The following POU6F2 variants were observed in gnomAD, a reference collection of about 807,000 sequenced individuals.
POU6F2 encodes the protein POU class 6 homeobox 2.
POU6F2 carries 31 observed loss-of-function variants against 71.3 expected under a neutral mutation model. The observed-to-expected ratio is 0.43, with a 90% CI of 0.33 to 0.59. The LOEUF is 0.59. Ranked by LOEUF, POU6F2 falls within the 20% of genes least tolerant of loss-of-function variation. The pLI is 0.04. For synonymous variants in POU6F2, 347 were observed against 355.7 expected (o/e 0.98, Z 0.27); for missense variants, 783 against 856.8 (o/e 0.91, Z 1.07).
intron 4 of POU6F2, among the ~76,000 whole-genome samples, chr7:39,297,738 T>G (rs1784878052): frequency 6.7e-6 from 1 of 148,376 alleles, no homozygotes; most frequent in Non-Finnish European, 1.5e-5. Flanking sequence ...GGTATCACAC[T>G]ACCTGACTTC....
intron 1 of POU6F2, among the ~76,000 whole-genome samples, chr7:39,026,035 C>T (rs1361989407): frequency 3.9e-5 from 6 of 152,124 alleles, no homozygotes; most frequent in Non-Finnish European, 7.3e-5. Context: ...AAATGCAAAT[C>T]GAAACCACAA....
At chr7:39,380,859 C>T (rs1348967051) in intron 5 of POU6F2, among the ~76,000 whole-genome samples, 2 of 152,082 alleles carry the variant, frequency 1.3e-5, no homozygotes, top group African/African-American at 4.8e-5. Context: ...GTCGTGTGCA[C>T]CAGAAATTCT....
At chr7:39,194,619 T>C (rs568561369) in intron 2 of POU6F2, among the ~76,000 whole-genome samples, 1 of 152,232 alleles carries the variant, frequency 6.6e-6, no homozygotes, top group Admixed American at 6.5e-5. Flanking sequence ...GGATGTGGGC[T>C]GGGCCAAAGA....
chr7:39,132,933 C>T (rs554712742), intron 2 of POU6F2, among the ~76,000 whole-genome samples: 2 of 152,022 alleles, frequency 1.3e-5, no homozygotes, highest in African/African-American at 2.4e-5. Context: ...GATATGATGT[C>T]GAACTAACAT....
chr7:38,990,357 G>A (rs1048032122), intron 1 of POU6F2, among the ~76,000 whole-genome samples: 9 of 152,018 alleles, frequency 5.9e-5, no homozygotes, highest in African/African-American at 1.7e-4. Context: ...TAAACATTGT[G>A]GCCCTGGAGA....
intron 4 of POU6F2, among the ~76,000 whole-genome samples, chr7:39,256,757 G>A (rs560835900): frequency 3.3e-5 from 5 of 152,162 alleles, no homozygotes; most frequent in South Asian, 2.1e-4. Flanking sequence ...TGGCCCAGCC[G>A]CTGCTGCCTT....
chr7:39,072,002 G>T (rs990965739), intron 1 of POU6F2, among the ~76,000 whole-genome samples: 1 of 152,164 alleles, frequency 6.6e-6, no homozygotes, highest in East Asian at 1.9e-4. Flanking sequence ...GAACACCAAG[G>T]GCAAGACTTG....
intron 4 of POU6F2, among the ~76,000 whole-genome samples, chr7:39,336,554 C>T (rs1785782722): frequency 1.3e-5 from 2 of 152,188 alleles, no homozygotes; most frequent in Admixed American, 1.3e-4. Flanking sequence ...GGCTTCTTTC[C>T]AGGATTCCTG....
intron 1 of POU6F2, chr7:39,083,724 C>T (rs572299899): frequency 2.8e-4 from 43 of 152,140 alleles, no homozygotes; most frequent in African/African-American, 9.4e-4. Context: ...GTGAATCGAC[C>T]GCATTGATTA....
chr7:39,184,322 A>C (rs1004862513), intron 2 of POU6F2, among the ~76,000 whole-genome samples: 2 of 152,240 alleles, frequency 1.3e-5, no homozygotes, highest in Non-Finnish European at 2.9e-5. Context: ...AACCACAAAA[A>C]ATATCAAGTA....
chr7:38,979,024 A>G (rs1788248025), intron 1 of POU6F2, among the ~76,000 whole-genome samples: 1 of 152,152 alleles, frequency 6.6e-6, no homozygotes, highest in African/African-American at 2.4e-5. Flanking sequence ...CCCTCCTGCA[A>G]AGGGAGGGTG....
chr7:39,056,678 A>ATATGTGTG (rs1790532492), intron 1 of POU6F2, among the ~76,000 whole-genome samples: 1 of 142,118 alleles, frequency 7.0e-6, no homozygotes, highest in Non-Finnish European at 1.5e-5. Flanking sequence ...GTGTGTGTGT[A>ATATGTGTG]TGTGTGTGTG....
intron 4 of POU6F2, among the ~76,000 whole-genome samples, chr7:39,268,353 G>T (rs1212731896): frequency 1.3e-5 from 2 of 152,128 alleles, no homozygotes; most frequent in African/African-American, 2.4e-5. Flanking sequence ...ATGAGTGTCT[G>T]TACTTGTGGG....
At chr7:39,081,546 G>T (rs1336764840) in intron 1 of POU6F2, among the ~76,000 whole-genome samples, 1 of 152,142 alleles carries the variant, frequency 6.6e-6, no homozygotes, top group Non-Finnish European at 1.5e-5. Context: ...TTCTAGACAA[G>T]AAAACCAAGG....
chr7:39,423,278 A>T (rs1787894892), intron 6 of POU6F2, among the ~76,000 whole-genome samples: 1 of 152,200 alleles, frequency 6.6e-6, no homozygotes, highest in Non-Finnish European at 1.5e-5. Context: ...CAGGGAGCCT[A>T]GGTTTTCTTC....
intron 2 of POU6F2, among the ~76,000 whole-genome samples, chr7:39,154,414 T>C (rs1251254267): frequency 6.6e-6 from 1 of 152,212 alleles, no homozygotes; most frequent in Non-Finnish European, 1.5e-5. Context: ...TATAGCTCTT[T>C]GCTTAGTTAC....
intron 5 of POU6F2, among the ~76,000 whole-genome samples, chr7:39,387,699 AGTT>A (rs1162126357): frequency 1.3e-5 from 2 of 152,218 alleles, no homozygotes; most frequent in Non-Finnish European, 2.9e-5. Flanking sequence ...TGCCAAAAAC[AGTT>A]GTTTTCATTT....
At chr7:39,268,572 C>A (rs183555495) in intron 4 of POU6F2, among the ~76,000 whole-genome samples, 1 of 151,938 alleles carries the variant, frequency 6.6e-6, no homozygotes. Flanking sequence ...CTTTGTATTC[C>A]GTAGAAAAAT....
chr7:39,428,542 T>C (rs1483064093), intron 6 of POU6F2, among the ~76,000 whole-genome samples: 1 of 152,236 alleles, frequency 6.6e-6, no homozygotes, highest in East Asian at 1.9e-4. Context: ...AAATTTCTAA[T>C]GTTGCAACCT....
Sources: allele counts gnomAD v4.1 joint callset (sites outside exome capture counted in the v4.1 genomes callset), GRCh38; gene constraint gnomAD v4.1.1; transcripts MANE v1.5; gene names NCBI Gene and HGNC (gene_info 2026-07-23, HGNC 2026-07-21).